Variants in CLIP1 observed in about 807,000 individuals in gnomAD.
The protein encoded by CLIP1 is CAP-Gly domain-containing linker protein 1.
Under a neutral mutation model 161.6 loss-of-function variants are expected in CLIP1, and 66 were observed. That is an observed-to-expected ratio of 0.41 (90% confidence interval 0.33 to 0.50). The LOEUF is 0.50. CLIP1 is among the 20% of genes least tolerant of loss of function. The pLI, the probability that CLIP1 is intolerant of heterozygous loss-of-function variation, is 0.27. For missense variants in CLIP1, 1,376 were observed against 1,702.0 expected (o/e 0.81, Z 3.37); for synonymous variants, 598 against 626.2 (o/e 0.96, Z 0.67).
chr12:122,368,650 G>A (rs4758695), intron 3 of CLIP1, among the ~76,000 whole-genome samples: 63,488 of 151,954 alleles, frequency 0.42, 15,249 homozygotes, highest in Non-Finnish European at 0.52. Context: ...ATTTTAAAAA[G>A]TAAACATGGA....
At chr12:122,296,678 A>G (rs1388524717) in intron 20 of CLIP1, among the ~76,000 whole-genome samples, 1 of 152,048 alleles carries the variant, frequency 6.6e-6, no homozygotes, top group East Asian at 1.9e-4. Context: ...ATGACAGGGT[A>G]TCTAGGATTT....
At chr12:122,285,298 C>G (rs1368174354) in intron 21 of CLIP1, among the ~76,000 whole-genome samples, 1 of 150,202 alleles carries the variant, frequency 6.7e-6, no homozygotes, top group Non-Finnish European at 1.5e-5. Context: ...ACGATCTCGG[C>G]TCACTACAAC....
At chr12:122,385,699 C>G (rs1032279011) in intron 1 of CLIP1, among the ~76,000 whole-genome samples, 1 of 151,976 alleles carries the variant, frequency 6.6e-6, no homozygotes, top group African/African-American at 2.4e-5. Context: ...CAGTGGATGT[C>G]GGCTGCAGGA....
intron 11 of CLIP1, among the ~76,000 whole-genome samples, chr12:122,337,226 T>A (rs1232545031): frequency 6.6e-6 from 1 of 151,776 alleles, no homozygotes; most frequent in Admixed American, 6.6e-5. Flanking sequence ...GGCAAGTGGA[T>A]CATTTGAGGT....
rs750810366 is a variant in CLIP1, at chr12:122,341,468, G to A, written c.1736C>T (p.Ala579Val). The part of the protein sequence containing the change: ...EITSLKEHFG[A>V]REETHQKEIK... ...CTCCTTCTGATGAGTTTCTTCCCGG[G>A]CTCCAAAATGCTCCTTCAGAGAAGT... Residue 579 changes from alanine (A) to valine (V), a missense_variant, in exon 11 of 26, where the codon GCC becomes GTC. Transcript: ENST00000620786. 1.2e-6 allele frequency: 2 copies of A among 1,613,090 alleles called. No individual in the cohort carries two copies. Among genetic ancestry groups the A allele is most frequent in the South Asian group, 2.2e-5 (2 of 91,032 alleles).
intron 4 of CLIP1, among the ~76,000 whole-genome samples, chr12:122,362,276 TA>T (rs74843754): frequency 2.4e-4 from 35 of 145,000 alleles, no homozygotes; most frequent in Non-Finnish European, 2.4e-4. Context: ...TTTTTTTAAT[TA>T]AAAAAAAAAA....
At chr12:122,387,679 A>G (rs1342388299) in intron 1 of CLIP1, among the ~76,000 whole-genome samples, 1 of 142,732 alleles carries the variant, frequency 7.0e-6, no homozygotes, top group Non-Finnish European at 1.5e-5. Flanking sequence ...AGCTCACTGT[A>G]GCCTCAACCT....
chr12:122,410,508 G>C (rs1956489338), intron 1 of CLIP1, among the ~76,000 whole-genome samples: 1 of 147,310 alleles, frequency 6.8e-6, no homozygotes, highest in Non-Finnish European at 1.5e-5. Context: ...ACTCAGGCTG[G>C]AGTGCAGTGG....
At chr12:122,374,719 G>C (rs995182885) in intron 3 of CLIP1, among the ~76,000 whole-genome samples, 1 of 152,018 alleles carries the variant, frequency 6.6e-6, no homozygotes, top group South Asian at 2.1e-4. Flanking sequence ...CCAAGATCGC[G>C]CCACTGCACT....
At chr12:122,361,227 A>T (rs1431113037) in intron 4 of CLIP1, 46 bp from the exon 5 acceptor site, 1 of 1,470,912 alleles carries the variant, frequency 6.8e-7, no homozygotes, top group Admixed American at 1.9e-5. Context: ...CTTAATCACA[A>T]GAAATAATAA....
At chr12:122,283,279 C>A (rs114800522) in intron 21 of CLIP1, among the ~76,000 whole-genome samples, 69 of 152,138 alleles carry the variant, frequency 4.5e-4, no homozygotes, top group African/African-American at 1.4e-3. Flanking sequence ...AAAAGGCTTA[C>A]CCAACTTGAG....
rs1345090907 is a variant in CLIP1, at chr12:122,422,654, C to G, written c.-240G>C. On this transcript the variant is annotated 5_prime_UTR_variant, in exon 1 of 26. Transcript: ENST00000620786. ...TGACGCGCCGCCGCCGCCGCGGGGCCGGGCGGGCGCGCGCTGCCAGGAGAA... is the reference window on the plus strand; with the variant it reads ...TGACGCGCCGCCGCCGCCGCGGGGCGGGGCGGGCGCGCGCTGCCAGGAGAA... 2 of 144,538 alleles carry G rather than the reference C, an allele frequency of 1.4e-5. No individual in the cohort carries two copies. Among genetic ancestry groups the G allele is most frequent in the Non-Finnish European group, 3.1e-5 (2 of 65,086 alleles). 9.0% of individuals were successfully genotyped at this position (144,538 alleles called of 1,614,324 possible). A position where few individuals can be genotyped will look rare whatever the true frequency, so the allele number is the denominator to read the frequency against.
Position 122,279,366 on chromosome 12 carries a change from A to G in CLIP1, c.3648-221T>C. On this transcript the variant is annotated intron_variant, in intron 21 of 25. Coordinates refer to ENST00000620786, the MANE Select transcript of CLIP1 (RefSeq NM_001247997.2). This position sits in a 1 kb window ranked among gnomAD's most constrained non-coding sequence, Gnocchi z 4.5. ...GTTTACCTATGCATAGACATGCCAG[A>G]GTCTGCATGTGATTGTATCCATTTG... is the stretch of plus-strand genomic sequence containing the variant. The G allele has an allele frequency of 3.7e-6, 1 of 271,152 alleles. No homozygotes were observed. The highest frequency in any genetic ancestry group is 6.9e-6 in the Non-Finnish European group (1 of 145,928). The allele number at this position is 271,152 out of a possible 1,614,324, so 16.8% of individuals were successfully genotyped here. A position where few individuals can be genotyped will look rare whatever the true frequency, so the allele number is the denominator to read the frequency against.
intron 1 of CLIP1, among the ~76,000 whole-genome samples, chr12:122,389,121 C>A (rs1432442051): frequency 3.9e-5 from 6 of 152,152 alleles, no homozygotes; most frequent in East Asian, 1.9e-4. Context: ...ATCTGCCCCA[C>A]AAAACTTACT....
In CLIP1 at chr12:122,361,194, A is replaced by G. The variant is rs986048998; in HGVS notation, c.783-13T>C. 3.2e-6 allele frequency: 5 copies of G among 1,579,032 alleles called. No homozygotes were observed. Among genetic ancestry groups the G allele is most frequent in the South Asian group, 1.1e-5 (1 of 88,858 alleles). On this transcript the variant is annotated splice_polypyrimidine_tract_variant and intron_variant, in intron 4 of 25. Transcript: ENST00000620786. ...ACACTGAAAATACCTTTAGAGAACAATAAGAACAATAACAAAAAACAACTT... is the reference window on the plus strand; with the variant it reads ...ACACTGAAAATACCTTTAGAGAACAGTAAGAACAATAACAAAAAACAACTT...
intron 25 of CLIP1, among the ~76,000 whole-genome samples, chr12:122,273,740 G>C (rs530919168): frequency 1.3e-5 from 2 of 151,956 alleles, no homozygotes; most frequent in East Asian, 1.9e-4. Flanking sequence ...CAATCAGTAT[G>C]GTTTTTTTTG....
chr12:122,338,758 AG>A (rs1952356477), intron 11 of CLIP1, among the ~76,000 whole-genome samples: 1 of 152,182 alleles, frequency 6.6e-6, no homozygotes, highest in African/African-American at 2.4e-5. Flanking sequence ...ACTGGACAAT[AG>A]TCATTAGAAC....
intron 4 of CLIP1, among the ~76,000 whole-genome samples, chr12:122,362,611 A>G (rs1953907571): frequency 8.1e-6 from 1 of 123,444 alleles, no homozygotes; most frequent in African/African-American, 3.1e-5. Context: ...ACTGCACTTC[A>G]GCCTGGCAAC....
intron 10 of CLIP1, among the ~76,000 whole-genome samples, chr12:122,346,542 A>G (rs1303927236): frequency 1.3e-5 from 2 of 152,064 alleles, no homozygotes; most frequent in African/African-American, 4.8e-5. Flanking sequence ...TCACTCTGTC[A>G]CCCAGGCTGG....
Sources: gnomAD v4.1 joint callset for allele counts (sites outside exome capture counted in the v4.1 genomes callset) on GRCh38, gnomAD v4.1.1 for gene constraint, Gnocchi (gnomAD v3.1) non-coding constraint, MANE v1.5 for transcripts, NCBI Gene and HGNC (gene_info 2026-07-23, HGNC 2026-07-21) for gene names.